CPNE2: variants seen among roughly 807,000 people sequenced by gnomAD.
The protein encoded by CPNE2 is copine 2, also known as copine-2.
CPNE2 carries 42 observed loss-of-function variants against 69.7 expected under a neutral mutation model. That is an observed-to-expected ratio of 0.60 (90% confidence interval 0.47 to 0.78). CPNE2 has a LOEUF of 0.78. Among genes scored for constraint, CPNE2 ranks in the 30% least tolerant of loss-of-function variants. The pLI is 0.00. For synonymous variants in CPNE2, 294 were observed against 289.8 expected (o/e 1.01, Z -0.15); for missense variants, 587 against 732.0 (o/e 0.80, Z 2.29).
rs1464247562 is a variant in CPNE2 at position 57,122,877 on chromosome 16, G to A, written c.868-537G>A. Among the ~76,000 whole-genome samples, 3 of 151,200 alleles carry A rather than the reference G, an allele frequency of 2.0e-5. No individual in the cohort carries two copies. The East Asian group carries it at 5.8e-4, about 29-fold the overall frequency. On this transcript the variant is annotated intron_variant, in intron 9 of 15. Transcript: ENST00000290776. ...CAAACTGCTAGGATTACAGGAATGAGCCACTATACCTGGCCTGTTTCTTTT... is the reference window on the plus strand; with the variant it reads ...CAAACTGCTAGGATTACAGGAATGAACCACTATACCTGGCCTGTTTCTTTT...
intron 2 of CPNE2, 119 bp from the exon 3 acceptor site, chr16:57,113,169 C>T (rs2069692472): frequency 5.4e-6 from 5 of 930,636 alleles, no homozygotes; most frequent in Middle Eastern, 4.6e-4. Flanking sequence ...CTGACGATGA[C>T]CACAAGAGCC....
At chr16:57,138,967 G>T (rs1483815389) in intron 14 of CPNE2, among the ~76,000 whole-genome samples, 1 of 152,204 alleles carries the variant, frequency 6.6e-6, no homozygotes, top group East Asian at 1.9e-4. Context: ...GGGAAAGATA[G>T]TGCAACTGCC....
intron 7 of CPNE2, 145 bp from the exon 8 acceptor site, chr16:57,120,948 C>A (rs1470403434): frequency 1.0e-5 from 6 of 576,924 alleles, no homozygotes; most frequent in African/African-American, 7.5e-5. Context: ...GGAGGCAGTT[C>A]AGGAGCTATC....
Position 57,148,343 on chromosome 16 carries a change from T to C in CPNE2, c.*685T>C, listed in dbSNP as rs577468748. On this transcript the variant is annotated 3_prime_UTR_variant, in exon 16 of 16. Transcript: ENST00000290776. Reference sequence around the variant, plus strand: ...AACCTGGCACATTGTACAAACTCAATAAATATTCATGGATGAATAGAATGA... The same window carrying C: ...AACCTGGCACATTGTACAAACTCAACAAATATTCATGGATGAATAGAATGA... The C allele has an allele frequency of 2.0e-5, 3 of 152,310 alleles. No individual in the cohort carries two copies. The highest frequency in any genetic ancestry group is 2.0e-4 in the Admixed American group (3 of 15,300). 9.4% of individuals were successfully genotyped at this position (152,310 alleles called of 1,614,324 possible).
chr16:57,114,267 A>G (rs1327017496), intron 3 of CPNE2, among the ~76,000 whole-genome samples: 1 of 152,184 alleles, frequency 6.6e-6, no homozygotes, highest in Non-Finnish European at 1.5e-5. Context: ...AGGGATGGGG[A>G]AACCAGTCCA....
intron 14 of CPNE2, chr16:57,145,811 G>C (rs1271823862): frequency 2.1e-6 from 1 of 481,274 alleles, no homozygotes; most frequent in Non-Finnish European, 3.8e-6. Context: ...GGCTCTCAGA[G>C]GCCCCAAGGG....
chr16:57,117,561 C>T lies in CPNE2; in HGVS notation c.501C>T (p.Asp167=), dbSNP rs762286960. 18 of 1,613,818 alleles carry T rather than the reference C, an allele frequency of 1.1e-5. No individual in the cohort carries two copies. The South Asian group carries it at 1.5e-4, about 14-fold the overall frequency. The change falls in exon 5 of 16, where the codon GAC becomes GAT. Residue 167 remains aspartate (D), a synonymous_variant. Coordinates refer to ENST00000290776, the MANE Select transcript of CPNE2 (RefSeq NM_152727.6). The stretch of plus-strand genomic sequence containing the variant: ...TAAGCCTGGCGGGCAGGAGGCTGGA[C>T]AAGAAGGTAAGGCGGGCAGAGGAAG... ...ITLSLAGRRL[D]KKDLFGKSDP...
intron 11 of CPNE2, among the ~76,000 whole-genome samples, chr16:57,126,763 A>G (rs751980424): frequency 4.6e-5 from 7 of 152,202 alleles, no homozygotes; most frequent in Non-Finnish European, 1.0e-4. Flanking sequence ...TCTGTACAAC[A>G]TGCAGAGCAA....
At chr16:57,126,142 C>A (rs1388383219) in intron 11 of CPNE2, 149 bp downstream of exon 11, 19 of 1,017,382 alleles carry the variant, frequency 1.9e-5, no homozygotes, top group Non-Finnish European at 4.2e-6. Context: ...ATTCCCATAC[C>A]CTTGGCAGAC....
chr16:57,104,255 C>T (rs1433944823), intron 1 of CPNE2, among the ~76,000 whole-genome samples: 1 of 152,202 alleles, frequency 6.6e-6, no homozygotes, highest in Non-Finnish European at 1.5e-5. Context: ...GAGGGAGAAA[C>T]TGAGACATAG....
intron 14 of CPNE2, among the ~76,000 whole-genome samples, chr16:57,140,113 C>T (rs1372831701): frequency 2.0e-5 from 3 of 152,104 alleles, no homozygotes; most frequent in African/African-American, 4.8e-5. Flanking sequence ...CCTGGCAACC[C>T]GGAGCCTGGG....
chr16:57,119,501 C>G (rs545156667), intron 6 of CPNE2, 60 bp from the exon 7 acceptor site: 2 of 1,462,724 alleles, frequency 1.4e-6, no homozygotes, highest in African/African-American at 2.8e-5. Context: ...TTGGGCTGAC[C>G]CAACCCCAGA....
chr16:57,136,807 G>A (rs1360022740), intron 13 of CPNE2, among the ~76,000 whole-genome samples: 3 of 152,168 alleles, frequency 2.0e-5, no homozygotes, highest in Non-Finnish European at 4.4e-5. Flanking sequence ...CCAGCTACTC[G>A]GGAGGCCGAG....
At chr16:57,107,914 A>C (rs571262770) in intron 1 of CPNE2, among the ~76,000 whole-genome samples, 1 of 132,120 alleles carries the variant, frequency 7.6e-6, no homozygotes, top group African/African-American at 2.9e-5. Context: ...TCTGTTGCCC[A>C]GGCTGGAGTG....
At chr16:57,127,651 C>T (rs1364405730) in intron 11 of CPNE2, among the ~76,000 whole-genome samples, 198 bp from the exon 12 acceptor site, 1 of 152,148 alleles carries the variant, frequency 6.6e-6, no homozygotes, top group African/African-American at 2.4e-5. Flanking sequence ...TAGATGTGGT[C>T]AGGCCACATG....
chr16:57,108,357 T>C (rs1485985703), intron 1 of CPNE2, among the ~76,000 whole-genome samples: 1 of 152,242 alleles, frequency 6.6e-6, no homozygotes, highest in Admixed American at 6.5e-5. Context: ...GCTCAATTAG[T>C]GCTCACAAGC....
intron 3 of CPNE2, among the ~76,000 whole-genome samples, chr16:57,114,059 A>T (rs1363952385): frequency 6.6e-6 from 1 of 152,178 alleles, no homozygotes; most frequent in Non-Finnish European, 1.5e-5. Context: ...GAAATGGAAA[A>T]TGCTTTGAGG....
chr16:57,119,719 C>T (rs185426390), intron 7 of CPNE2, 69 bp downstream of exon 7: 150 of 1,058,626 alleles, frequency 1.4e-4, no homozygotes, highest in East Asian at 2.3e-4. Flanking sequence ...CTGAGGCTCC[C>T]GGGGATGCCT....
rs565983767 is a variant in CPNE2, at chr16:57,121,448, T to C, written c.781-226T>C. ...GGAGCTATCCATTTAAGTCATTCCG[T>C]GATGTTGGGCCCTCAGCTGGACAGT... On this transcript the variant is annotated intron_variant, in intron 8 of 15. Coordinates refer to ENST00000290776, the MANE Select transcript of CPNE2 (RefSeq NM_152727.6). Among the ~76,000 whole-genome samples the C allele has an allele frequency of 2.0e-5, 3 of 152,182 alleles. 1 individual carries two copies. The South Asian group carries it at 6.2e-4, about 32-fold the overall frequency.
Sources: gnomAD v4.1 joint callset for allele counts (sites outside exome capture counted in the v4.1 genomes callset) on GRCh38, gnomAD v4.1.1 for gene constraint, MANE v1.5 for transcripts, NCBI Gene and HGNC (gene_info 2026-07-23, HGNC 2026-07-21) for gene names.